Variants in SLC45A4 observed in about 807,000 individuals in gnomAD.
The protein encoded by SLC45A4 is solute carrier family 45 member 4.
In SLC45A4, 32 loss-of-function variants were observed where a neutral mutation model predicts 63.7. That is an observed-to-expected ratio of 0.50 (90% confidence interval 0.38 to 0.67). The LOEUF (loss-of-function observed/expected upper bound fraction) is 0.67, where lower values mean the gene tolerates loss of function less well. Ranked by LOEUF, SLC45A4 falls within the 30% of genes least tolerant of loss-of-function variation. SLC45A4 has a pLI of 0.00. For missense variants in SLC45A4, 1,027 were observed against 1,157.7 expected (o/e 0.89, Z 1.64); for synonymous variants, 535 against 510.0 (o/e 1.05, Z -0.66).
In SLC45A4 at chr8:141,239,615, G is replaced by A. The variant is rs77722782; in HGVS notation, c.241+14374C>T. Among the ~76,000 whole-genome samples, 1,234 of 151,616 alleles carry A rather than the reference G, an allele frequency of 8.1e-3. 19 individuals carry two copies. Among genetic ancestry groups the A allele is most frequent in the African/African-American group, 0.029 (1,182 of 41,300 alleles). On this transcript the variant is annotated intron_variant, in intron 2 of 8. Coordinates refer to ENST00000517878, the MANE Select transcript of SLC45A4 (RefSeq NM_001286646.2). ...ACACACACACGCACGCACACACACA[G>A]CATCATGAGGTGCATTTTCACCTGA...
At position 141,240,059 on chromosome 8, in the gene SLC45A4, A is replaced by G. The variant is rs376620941; in HGVS notation, c.241+13930T>C. ...TATCCTAGGAATCTCGATTCACACG[A>G]AACGACAATGAAGAATGGAAAGTCT... On this transcript the variant is annotated intron_variant, in intron 2 of 8. Coordinates refer to ENST00000517878, the MANE Select transcript of SLC45A4 (RefSeq NM_001286646.2). 9.8e-5 allele frequency among the ~76,000 whole-genome samples: 15 copies of G among 152,368 alleles called. No homozygotes were observed. In the East Asian group the frequency reaches 2.5e-3, roughly 25 times the overall value.
intron 1 of SLC45A4, among the ~76,000 whole-genome samples, chr8:141,269,889 G>A (rs536102336): frequency 1.3e-5 from 2 of 152,268 alleles, no homozygotes; most frequent in East Asian, 3.9e-4. Flanking sequence ...ACACCGTATG[G>A]CCACAGTGTG....
chr8:141,242,531 C>T (rs1018070667), intron 2 of SLC45A4, among the ~76,000 whole-genome samples: 3 of 152,118 alleles, frequency 2.0e-5, no homozygotes, highest in East Asian at 1.9e-4. Flanking sequence ...CAAGAACGGG[C>T]GAGACAGTGC....
intron 2 of SLC45A4, among the ~76,000 whole-genome samples, chr8:141,235,771 C>T (rs1827595038): frequency 6.6e-6 from 1 of 152,138 alleles, no homozygotes; most frequent in Non-Finnish European, 1.5e-5. Flanking sequence ...TGTGCATGTT[C>T]AAAAAGTTAA....
chr8:141,233,499 T>A (rs1403793410), intron 2 of SLC45A4, among the ~76,000 whole-genome samples: 2 of 151,996 alleles, frequency 1.3e-5, no homozygotes, highest in African/African-American at 4.8e-5. Context: ...CTGGCCAACA[T>A]GGTAAAACCC....
In SLC45A4 at chr8:141,218,887, G is replaced by C. The variant is rs1431967546; in HGVS notation, c.753C>G (p.Phe251Leu). ...IFTVSVALHL[F>L]SIDEEQYSPQ... is the part of the protein sequence containing the mutation. The stretch of plus-strand genomic sequence containing the variant: ...GGCTGTACTGCTCCTCGTCGATGCT[G>C]AACAGGTGCAGGGCCACGGACACCG... Residue 251 changes from phenylalanine (F) to leucine (L), a missense_variant, in exon 5 of 9, where the codon TTC (phenylalanine) becomes TTG (leucine). Transcript: ENST00000517878. 1 of 1,613,568 alleles carries C rather than the reference G, an allele frequency of 6.2e-7. No individual in the cohort carries two copies. The highest frequency in any genetic ancestry group is 2.2e-5 in the East Asian group (1 of 44,888).
Position 141,228,111 on chromosome 8 carries a change from G to A in SLC45A4, c.242-6346C>T, listed in dbSNP as rs1037201806. 1.4e-5 allele frequency: 23 copies of A among 1,597,790 alleles called. No individual in the cohort carries two copies. In the Admixed American group the frequency reaches 3.8e-4, roughly 27 times the overall value. On this transcript the variant is annotated intron_variant, in intron 2 of 8. Transcript: ENST00000517878. ...AGCTGTTGGGTGCCCGAGAGGCTGT[G>A]GCTCACCGCAAGCTTTAGATGGAGT...
chr8:141,286,800 C>A (rs1830165395), intron 1 of SLC45A4, among the ~76,000 whole-genome samples: 1 of 151,042 alleles, frequency 6.6e-6, no homozygotes, highest in Admixed American at 6.6e-5. Flanking sequence ...CATCTTCCCC[C>A]AGTTAAGTTC....
At chr8:141,289,195 G>A (rs1241636755) in intron 1 of SLC45A4, among the ~76,000 whole-genome samples, 1 of 152,120 alleles carries the variant, frequency 6.6e-6, no homozygotes, top group Non-Finnish European at 1.5e-5. Context: ...GGGCAGAGGC[G>A]GGGATGGCGG....
At chr8:141,226,478 G>C (rs1827000706) in intron 2 of SLC45A4, 1 of 152,304 alleles carries the variant, frequency 6.6e-6, no homozygotes, top group Non-Finnish European at 1.5e-5. Flanking sequence ...TGAACCTCTC[G>C]GTGGGCCTGG....
chr8:141,217,168 A>G lies in SLC45A4; in HGVS notation c.1651T>C (p.Trp551Arg). 2.5e-6 allele frequency: 4 copies of G among 1,613,830 alleles called. No individual in the cohort carries two copies. The highest frequency in any genetic ancestry group is 3.4e-6 in the Non-Finnish European group (4 of 1,179,994). ...TTGACCCCGGCGTTGTAGGCTTGCC[A>G]GGCGGTCGAGTTCGAGGGGGCCTGT... ...DPKAPSNSTA[W>R]QAYNAGVKMG... is the part of the protein sequence containing the mutation. The change falls in exon 6 of 9, where the codon TGG becomes CGG. Residue 551 changes from tryptophan to arginine, a missense_variant. Transcript: ENST00000517878.
intron 6 of SLC45A4, among the ~76,000 whole-genome samples, chr8:141,216,495 C>T (rs897688725): frequency 4.1e-4 from 63 of 152,232 alleles, no homozygotes; most frequent in African/African-American, 1.4e-3. Context: ...GTGACAATGC[C>T]GTTTACCAAT....
At chr8:141,302,775 G>A (rs544182670) in intron 1 of SLC45A4, among the ~76,000 whole-genome samples, 3 of 152,214 alleles carry the variant, frequency 2.0e-5, no homozygotes, top group South Asian at 4.1e-4. Context: ...CCCTCGCCTC[G>A]TGTCTAACAT....
intron 1 of SLC45A4, among the ~76,000 whole-genome samples, chr8:141,285,609 G>A (rs766780906): frequency 9.9e-5 from 15 of 152,164 alleles, no homozygotes; most frequent in South Asian, 2.1e-4. Context: ...CCACGGCCAC[G>A]TCCGTTTAAA....
chr8:141,289,884 C>T (rs58555540), intron 1 of SLC45A4, among the ~76,000 whole-genome samples: 17,070 of 151,882 alleles, frequency 0.11, 1,583 homozygotes, highest in East Asian at 0.43. Flanking sequence ...CTGGAGGCCC[C>T]GGACACTGGA....
At chr8:141,268,660 A>T (rs1241549594) in intron 1 of SLC45A4, among the ~76,000 whole-genome samples, 1 of 152,218 alleles carries the variant, frequency 6.6e-6, no homozygotes, top group Non-Finnish European at 1.5e-5. Flanking sequence ...ACATAAATAA[A>T]TAAGGCAATC....
chr8:141,307,917 C>G (rs542394099), intron 1 of SLC45A4, among the ~76,000 whole-genome samples, 179 bp downstream of exon 1: 80 of 149,052 alleles, frequency 5.4e-4, no homozygotes, highest in African/African-American at 1.9e-3. Context: ...CCAGCGCAAG[C>G]CGGGTGGGGG....
At chr8:141,303,817 T>C (rs778870676) in intron 1 of SLC45A4, among the ~76,000 whole-genome samples, 6 of 152,186 alleles carry the variant, frequency 3.9e-5, no homozygotes, top group Non-Finnish European at 5.9e-5. Flanking sequence ...TTTAGGAGGA[T>C]GAAAGTACCG....
chr8:141,285,919 A>G (rs1318098893), intron 1 of SLC45A4, among the ~76,000 whole-genome samples: 1 of 152,206 alleles, frequency 6.6e-6, no homozygotes. Flanking sequence ...ACAACAGAAC[A>G]GGGCCGGGCA....
Sources: gnomAD v4.1 joint callset for allele counts (sites outside exome capture counted in the v4.1 genomes callset) on GRCh38, gnomAD v4.1.1 for gene constraint, MANE v1.5 for transcripts, NCBI Gene and HGNC (gene_info 2026-07-23, HGNC 2026-07-21) for gene names.